Variants in OSBP2 observed in about 807,000 individuals in gnomAD.
OSBP2 encodes the protein oxysterol-binding protein 2.
Under a neutral mutation model 96.0 loss-of-function variants are expected in OSBP2, and 66 were observed. The ratio of observed to expected loss-of-function variants is 0.69; its 90% confidence interval spans 0.56 to 0.84. The LOEUF is 0.84. OSBP2 is among the 40% of genes least tolerant of loss of function. The pLI, the probability that OSBP2 is intolerant of heterozygous loss-of-function variation, is 0.00. For synonymous variants in OSBP2, 525 were observed against 520.9 expected (o/e 1.01, Z -0.11); for missense variants, 1,038 against 1,222.7 (o/e 0.85, Z 2.25).
At chr22:30,790,796 A>C (rs1438694710) in intron 2 of OSBP2, among the ~76,000 whole-genome samples, 1 of 152,152 alleles carries the variant, frequency 6.6e-6, no homozygotes, top group African/African-American at 2.4e-5. Context: ...CAATTTAAAA[A>C]TCCGTTAAGG....
At chr22:30,694,784 GA>G, upstream of OSBP2, 1 of 598,090 alleles carries the variant, frequency 1.7e-6, no homozygotes, top group Non-Finnish European at 2.1e-6. Flanking sequence ...GAGCGCACGG[GA>G]CCGCGGAGGA....
At chr22:30,735,701 ATTCTTCTTCTTC>A (rs538843733) in intron 1 of OSBP2, among the ~76,000 whole-genome samples, 1 of 151,190 alleles carries the variant, frequency 6.6e-6, no homozygotes, top group Non-Finnish European at 1.5e-5. Flanking sequence ...GGCTGAAGCG[ATTCTTCTTCTTC>A]TTCTTCTTCT....
At chr22:30,799,991 C>T (rs1263169291) in intron 2 of OSBP2, among the ~76,000 whole-genome samples, 3 of 152,190 alleles carry the variant, frequency 2.0e-5, no homozygotes, top group African/African-American at 2.4e-5. Flanking sequence ...GTCATGCCTA[C>T]CAGTAAGACA....
intron 8 of OSBP2, among the ~76,000 whole-genome samples, chr22:30,892,802 G>A (rs1255502314): frequency 6.6e-6 from 1 of 152,156 alleles, no homozygotes; most frequent in Non-Finnish European, 1.5e-5. Flanking sequence ...CTTCGGCATA[G>A]TGTGACACCC....
intron 1 of OSBP2, among the ~76,000 whole-genome samples, chr22:30,737,746 T>C (rs940009179): frequency 6.6e-6 from 1 of 151,890 alleles, no homozygotes; most frequent in Non-Finnish European, 1.5e-5. Context: ...GGAGTCTCGC[T>C]CTGTTGCCCA....
chr22:30,885,054 C>T (rs562516877), intron 3 of OSBP2, among the ~76,000 whole-genome samples: 8 of 152,274 alleles, frequency 5.3e-5, no homozygotes, highest in Admixed American at 2.6e-4. Context: ...CCATGAGGCA[C>T]GTCTGTTGAG....
upstream of OSBP2, chr22:30,694,080 T>TCCACAACTA (rs67289012): frequency 0.5 from 766,578 of 1,545,390 alleles, 200,364 homozygotes; most frequent in African/African-American, 0.7. Context: ...CAGGTAAACC[T>TCCACAACTA]CTGCGGAAGC....
At chr22:30,811,741 G>T (rs1046641382) in intron 2 of OSBP2, among the ~76,000 whole-genome samples, 1 of 151,728 alleles carries the variant, frequency 6.6e-6, no homozygotes, top group Admixed American at 6.6e-5. Context: ...TTTTAGTAGA[G>T]ACGGGGTTTC....
chr22:30,850,944 G>A (rs990285071), intron 2 of OSBP2, among the ~76,000 whole-genome samples: 1 of 152,178 alleles, frequency 6.6e-6, no homozygotes, highest in African/African-American at 2.4e-5. Flanking sequence ...CATGAACTTG[G>A]TATGTCTCTC....
chr22:30,898,909 AAAC>A (rs2040126449), intron 12 of OSBP2, among the ~76,000 whole-genome samples: 1 of 151,246 alleles, frequency 6.6e-6, no homozygotes. Flanking sequence ...TCAATTAAAA[AAAC>A]AAAGCCAAAA....
intron 1 of OSBP2, among the ~76,000 whole-genome samples, chr22:30,738,394 C>A (rs145844432): frequency 1.3e-5 from 2 of 152,212 alleles, no homozygotes; most frequent in African/African-American, 4.8e-5. Flanking sequence ...AACAGGCATG[C>A]CCAGCTTCAC....
chr22:30,714,600 T>TG (rs2145691915), intron 1 of OSBP2, among the ~76,000 whole-genome samples: 1 of 152,236 alleles, frequency 6.6e-6, no homozygotes, highest in Non-Finnish European at 1.5e-5. Flanking sequence ...TCCCTACCCC[T>TG]GGTCACCACC....
intron 2 of OSBP2, among the ~76,000 whole-genome samples, chr22:30,751,634 C>T (rs2090074847): frequency 6.6e-6 from 1 of 152,130 alleles, no homozygotes; most frequent in East Asian, 1.9e-4. Flanking sequence ...GGATTACAGG[C>T]GTGAGCCACT....
At position 30,881,179 on chromosome 22, in the gene OSBP2, C is replaced by T. The variant is rs983122769; in HGVS notation, c.1108-6247C>T. On this transcript the variant is annotated intron_variant, in intron 3 of 13. Coordinates refer to ENST00000332585, the MANE Select transcript of OSBP2 (RefSeq NM_030758.4). The surrounding 1 kb of genome is among the most constrained non-coding windows in gnomAD (Gnocchi z 4.5). ...TCTCAGAGCACCCATACCCCCAACA[C>T]CCCTTTCACCAGAACCCTCTGTGCA... is the stretch of plus-strand genomic sequence containing the variant. Among the ~76,000 whole-genome samples, 1 of 152,204 alleles carries T rather than the reference C, an allele frequency of 6.6e-6. No homozygotes were observed. Among genetic ancestry groups the T allele is most frequent in the Non-Finnish European group, 1.5e-5 (1 of 68,022 alleles).
chr22:30,739,660 C>T (rs962820808), intron 1 of OSBP2, among the ~76,000 whole-genome samples: 6 of 151,830 alleles, frequency 4.0e-5, no homozygotes, highest in Non-Finnish European at 8.8e-5. Flanking sequence ...TTTTTGTAAA[C>T]GCCCAAGGGG....
At chr22:30,804,760 A>G in intron 2 of OSBP2, among the ~76,000 whole-genome samples, 1 of 152,176 alleles carries the variant, frequency 6.6e-6, no homozygotes, top group Non-Finnish European at 1.5e-5. Context: ...AACACTTTAT[A>G]TTTTGGCCAG....
At chr22:30,715,284 G>T (rs1232809621) in intron 1 of OSBP2, among the ~76,000 whole-genome samples, 3 of 151,598 alleles carry the variant, frequency 2.0e-5, no homozygotes, top group Admixed American at 1.3e-4. Context: ...TTTGATAGTA[G>T]CCATCCTAAT....
intron 2 of OSBP2, among the ~76,000 whole-genome samples, chr22:30,808,165 C>T (rs1439442679): frequency 1.3e-5 from 2 of 152,080 alleles, no homozygotes. Context: ...GTTGAATTGT[C>T]ATAAGCGAGG....
At chr22:30,721,083 C>A (rs1006408636) in intron 1 of OSBP2, among the ~76,000 whole-genome samples, 25 of 152,014 alleles carry the variant, frequency 1.6e-4, no homozygotes, top group African/African-American at 6.0e-4. Context: ...AAAAATTAGC[C>A]AGACATGGTG....
Sources: gnomAD v4.1 joint callset for allele counts (sites outside exome capture counted in the v4.1 genomes callset) on GRCh38, gnomAD v4.1.1 for gene constraint, Gnocchi (gnomAD v3.1) non-coding constraint, MANE v1.5 for transcripts, NCBI Gene and HGNC (gene_info 2026-07-23, HGNC 2026-07-21) for gene names.